The following VWDE variants were observed in gnomAD, a reference collection of about 807,000 sequenced individuals.
VWDE encodes the protein von Willebrand factor D and EGF domains.
Under a neutral mutation model 178.4 loss-of-function variants are expected in VWDE, and 207 were observed. That is an observed-to-expected ratio of 1.16 (90% confidence interval 1.04 to 1.30). The LOEUF (loss-of-function observed/expected upper bound fraction) is 1.30. Ranked by LOEUF, VWDE falls within the 50% of genes most tolerant of loss-of-function variation. The probability of loss-of-function intolerance (pLI) is 0.00; values close to 1 mark genes in which losing one functional copy is unlikely to be tolerated. For missense variants in VWDE, 2,287 were observed against 1,901.3 expected (o/e 1.20, Z -3.77); for synonymous variants, 738 against 651.4 (o/e 1.13, Z -2.02).
At chr7:12,381,143 TAC>T (rs1433727205) in intron 4 of VWDE, among the ~76,000 whole-genome samples, 1 of 152,204 alleles carries the variant, frequency 6.6e-6, no homozygotes, top group Admixed American at 6.5e-5. Flanking sequence ...CTCTTACTGT[TAC>T]AGTTTTCTCT....
intron 19 of VWDE, among the ~76,000 whole-genome samples, chr7:12,347,212 C>A (rs1781652675): frequency 6.6e-6 from 1 of 152,090 alleles, no homozygotes; most frequent in African/African-American, 2.4e-5. Flanking sequence ...GGGACTCCTT[C>A]CAGAACCAAA....
At chr7:12,361,082 C>G (rs774364230) in intron 15 of VWDE, 65 bp downstream of exon 15, 2 of 998,962 alleles carry the variant, frequency 2.0e-6, no homozygotes, top group Non-Finnish European at 2.9e-6. Flanking sequence ...AATTAATGTG[C>G]CCACAGCATA....
At chr7:12,385,803 T>TA (rs5882358) in intron 3 of VWDE, among the ~76,000 whole-genome samples, 3 of 151,948 alleles carry the variant, frequency 2.0e-5, no homozygotes, top group Non-Finnish European at 4.4e-5. Context: ...ACATTAAGAG[T>TA]AAAAAAATAA....
chr7:12,389,264 C>T lies in VWDE; in HGVS notation c.338G>A (p.Cys113Tyr). ...GCTGAACAAAAACTGCCATGTTGCA[C>T]AAGCTGTCAATTGCTTGATCTCCCC... Reference protein sequence around the residue: ...SPGEIKQLTACATWQFLFSTT... With the variant: ...SPGEIKQLTAYATWQFLFSTT... The change falls in exon 3 of 29, where the codon TGT (cysteine) becomes TAT (tyrosine). Residue 113 changes from cysteine to tyrosine, a missense_variant. Physicochemically the swap from Cys to Tyr is radical, Grantham distance 194. Transcript: ENST00000275358. The T allele has an allele frequency of 6.4e-7, 1 of 1,551,682 alleles. No individual in the cohort carries two copies. Among genetic ancestry groups the T allele is most frequent in the South Asian group, 1.2e-5 (1 of 84,060 alleles).
chr7:12,385,057 T>C (rs1784032410), intron 3 of VWDE, among the ~76,000 whole-genome samples: 1 of 152,094 alleles, frequency 6.6e-6, no homozygotes, highest in Non-Finnish European at 1.5e-5. Context: ...TAAATAATAT[T>C]TCAAATATAT....
intron 16 of VWDE, 74 bp downstream of exon 16, chr7:12,359,504 C>T (rs971237475): frequency 4.6e-5 from 46 of 995,516 alleles, no homozygotes; most frequent in Non-Finnish European, 5.8e-5. Context: ...AACACATTTA[C>T]GTAACTTCTG....
chr7:12,344,739 A>C (rs753790387), intron 19 of VWDE, among the ~76,000 whole-genome samples: 1 of 152,224 alleles, frequency 6.6e-6, no homozygotes, highest in East Asian at 1.9e-4. Flanking sequence ...GTTGATTTTC[A>C]TCAGAGAAAA....
At position 12,380,731 on chromosome 7, in the gene VWDE, G is replaced by A; in HGVS notation, c.544C>T (p.Gln182Ter). Reference protein sequence around the residue: ...ETETGGDCVRQLAASLPPPPA... With the variant: ...ETETGGDCVR ...GGAGGTGGCAATGAGGCAGCCAGCTGACCTGGGGAGAAAATGCATAATTTG... is the reference window on the plus strand; with the variant it reads ...GGAGGTGGCAATGAGGCAGCCAGCTAACCTGGGGAGAAAATGCATAATTTG... Residue 182 changes from glutamine to a stop codon, truncating the protein, a stop_gained and splice_region_variant, in exon 5 of 29, where the codon CAG becomes TAG. Transcript: ENST00000275358. LOFTEE classifies it high-confidence loss of function. The A allele has an allele frequency of 3.9e-6, 6 of 1,551,036 alleles. No individual in the cohort carries two copies. The highest frequency in any genetic ancestry group is 5.2e-6 in the Non-Finnish European group (6 of 1,146,650).
At chr7:12,346,890 A>C (rs1438187922) in intron 19 of VWDE, among the ~76,000 whole-genome samples, 1 of 152,128 alleles carries the variant, frequency 6.6e-6, no homozygotes. Flanking sequence ...AAATCAAACC[A>C]AAACCAGAAA....
Position 12,383,734 on chromosome 7 carries a change from T to C in VWDE, c.476-133A>G, listed in dbSNP as rs146254534. ...CTTTCTTAATTCTTCTCTTATTTCA[T>C]AACATTTTTTTCCTTTTAAGGGTGA... On this transcript the variant is annotated intron_variant, in intron 3 of 28. Transcript: ENST00000275358. 2.4e-3 allele frequency: 1,779 copies of C among 747,350 alleles called. 23 individuals carry two copies. The African/African-American group carries it at 0.028, about 12-fold the overall frequency. The allele number at this position is 747,350 out of a possible 1,614,324, so 46.3% of individuals were successfully genotyped here.
At chr7:12,376,225 T>A (rs927359669) in intron 7 of VWDE, among the ~76,000 whole-genome samples, 7 of 152,182 alleles carry the variant, frequency 4.6e-5, no homozygotes, top group African/African-American at 1.7e-4. Context: ...CATCCATTCC[T>A]CAAGCCAATA....
chr7:12,359,565 A>G lies in VWDE; in HGVS notation c.3274+13T>C. The G allele has an allele frequency of 6.7e-7, 1 of 1,485,988 alleles. No homozygotes were observed. Among genetic ancestry groups the G allele is most frequent in the Non-Finnish European group, 9.2e-7 (1 of 1,091,324 alleles). 92.1% of individuals were successfully genotyped at this position (1,485,988 alleles called of 1,614,324 possible). Reference sequence around the variant, plus strand: ...TGTATAGGAAATATTTGGATTAATAAAGAGTAACTTACTTTCTAAAAATGA... The same window carrying G: ...TGTATAGGAAATATTTGGATTAATAGAGAGTAACTTACTTTCTAAAAATGA... On this transcript the variant is annotated intron_variant, in intron 16 of 28. Coordinates refer to ENST00000275358, the MANE Select transcript of VWDE (RefSeq NM_001135924.3).
At chr7:12,362,636 C>G (rs904166833) in intron 13 of VWDE, among the ~76,000 whole-genome samples, 5 of 152,078 alleles carry the variant, frequency 3.3e-5, no homozygotes, top group African/African-American at 1.2e-4. Context: ...TTTTCAACCA[C>G]TCAGAATTTG....
intron 1 of VWDE, among the ~76,000 whole-genome samples, chr7:12,400,335 G>A (rs1784840695): frequency 6.6e-6 from 1 of 152,076 alleles, no homozygotes; most frequent in African/African-American, 2.4e-5. Context: ...TAGATTTATG[G>A]AGAAAAGAAG....
Position 12,361,523 on chromosome 7 carries a change from T to G in VWDE, c.2899-2A>C, listed in dbSNP as rs972381929. On this transcript the variant is annotated splice_acceptor_variant, in intron 13 of 28. Coordinates refer to ENST00000275358, the MANE Select transcript of VWDE (RefSeq NM_001135924.3). LOFTEE classifies it high-confidence loss of function. ...AGGCATCCATTCACTGCTATTATAC[T>G]GAAGACATAGTGAGAAAAAAATTAA... 1.3e-6 allele frequency: 2 copies of G among 1,519,230 alleles called. No homozygotes were observed. Among genetic ancestry groups the G allele is most frequent in the East Asian group, 4.9e-5 (2 of 40,408 alleles). The allele number at this position is 1,519,230 out of a possible 1,614,324, so 94.1% of individuals were successfully genotyped here.
intron 1 of VWDE, among the ~76,000 whole-genome samples, chr7:12,394,714 CTTATA>C (rs750336781): frequency 6.6e-5 from 10 of 152,120 alleles, no homozygotes; most frequent in Middle Eastern, 3.4e-3. Flanking sequence ...TCTTCAAATA[CTTATA>C]TTATATTTAT....
chr7:12,372,876 A>G, intron 10 of VWDE, 101 bp downstream of exon 10: 1 of 1,196,602 alleles, frequency 8.4e-7, no homozygotes, highest in Non-Finnish European at 1.2e-6. Flanking sequence ...ATTTTCTTAA[A>G]CAAACTAATG....
At position 12,356,194 on chromosome 7, in the gene VWDE, C is replaced by G; in HGVS notation, c.3662G>C (p.Gly1221Ala). The G allele has an allele frequency of 6.4e-7, 1 of 1,551,470 alleles. No individual in the cohort carries two copies. The highest frequency in any genetic ancestry group is 1.2e-5 in the South Asian group (1 of 84,040). The change falls in exon 18 of 29, where the codon GGG becomes GCG. Residue 1221 changes from glycine (G) to alanine (A), a missense_variant. Gly to Ala is a moderately conservative substitution (Grantham distance 60). Transcript: ENST00000275358. ...HGSLCEVDIS[G>A]CQSNPCGLGS... ...AAGACCACAAGGGTTGGATTGGCAC[C>G]CACTAATGTCCACTTCACAAAGGCT...
In VWDE at chr7:12,343,266, G is replaced by C. The variant is rs1452962201; in HGVS notation, c.4079-88C>G. On this transcript the variant is annotated intron_variant, in intron 21 of 28. Transcript: ENST00000275358. ...TAAAGCACTGTCACAATAAAATCTT[G>C]TTGTAAGAGTAATTTATAATACATT... 8 of 903,566 alleles carry C rather than the reference G, an allele frequency of 8.9e-6. No homozygotes were observed. The East Asian group carries it at 2.3e-4, about 26-fold the overall frequency. The allele number at this position is 903,566 out of a possible 1,614,324, so 56.0% of individuals were successfully genotyped here.
Sources: allele counts gnomAD v4.1 joint callset (sites outside exome capture counted in the v4.1 genomes callset), GRCh38; gene constraint gnomAD v4.1.1; transcripts MANE v1.5; gene names NCBI Gene and HGNC (gene_info 2026-07-23, HGNC 2026-07-21).